Variants in ACTN2 observed in about 807,000 individuals in gnomAD.
ACTN2 encodes the protein alpha-actinin-2.
ACTN2 carries 39 observed loss-of-function variants against 113.8 expected under a neutral mutation model. That is an observed-to-expected ratio of 0.34 (90% CI 0.27 to 0.45). The LOEUF is 0.45. ACTN2 is among the 20% of genes least tolerant of loss of function. The pLI is 1.00. For missense variants in ACTN2, 992 were observed against 1,177.9 expected, an observed-to-expected ratio of 0.84 and a Z score of 2.31; for synonymous variants, 429 against 444.1, an observed-to-expected ratio of 0.97 and a Z score of 0.43.
intron 10 of ACTN2, among the ~76,000 whole-genome samples, chr1:236,739,874 C>T (rs1659015518): frequency 6.6e-6 from 1 of 152,088 alleles, no homozygotes; most frequent in African/African-American, 2.4e-5. Context: ...TACAAGCTAC[C>T]CATCTCACCT....
At chr1:236,727,937 A>C (rs904533184) in intron 6 of ACTN2, among the ~76,000 whole-genome samples, 181 bp downstream of exon 6, 2 of 152,182 alleles carry the variant, frequency 1.3e-5, no homozygotes, top group Non-Finnish European at 2.9e-5. Flanking sequence ...AGTGGCCAGG[A>C]AAACACTTAC....
At chr1:236,689,355 A>T (rs1192579905) in intron 1 of ACTN2, among the ~76,000 whole-genome samples, 1 of 143,302 alleles carries the variant, frequency 7.0e-6, no homozygotes, top group Non-Finnish European at 1.5e-5. Flanking sequence ...ACATATGTAT[A>T]TTTTATATAT....
chr1:236,720,404 A>T (rs1224407980), intron 4 of ACTN2, among the ~76,000 whole-genome samples: 1 of 152,190 alleles, frequency 6.6e-6, no homozygotes, highest in East Asian at 1.9e-4. Flanking sequence ...AAAGATGAGC[A>T]CATGTTCAGA....
At chr1:236,730,597 T>C (rs923865955) in intron 6 of ACTN2, among the ~76,000 whole-genome samples, 1 of 152,220 alleles carries the variant, frequency 6.6e-6, no homozygotes, top group African/African-American at 2.4e-5. Context: ...TTTAGTTATA[T>C]ACCTCTGGTT....
At chr1:236,716,988 C>G (rs1414202041) in intron 1 of ACTN2, among the ~76,000 whole-genome samples, 1 of 151,898 alleles carries the variant, frequency 6.6e-6, no homozygotes, top group Non-Finnish European at 1.5e-5. Context: ...GCACACGTTA[C>G]CACACCCAGC....
At chr1:236,712,464 T>A (rs1422272059) in intron 1 of ACTN2, among the ~76,000 whole-genome samples, 1 of 152,182 alleles carries the variant, frequency 6.6e-6, no homozygotes. Flanking sequence ...CTAAATAAAT[T>A]GACCTTCTCT....
Position 236,763,091 on chromosome 1 carries a change from C to A in ACTN2, c.*472C>A. The A allele has an allele frequency of 5.6e-6, 1 of 179,328 alleles. No individual in the cohort carries two copies. Among genetic ancestry groups the A allele is most frequent in the Admixed American group, 5.5e-5 (1 of 18,216 alleles). The allele number at this position is 179,328 out of a possible 1,614,324, so 11.1% of individuals were successfully genotyped here. A position where few individuals can be genotyped will look rare whatever the true frequency, so the allele number is the denominator to read the frequency against. On this transcript the variant is annotated 3_prime_UTR_variant, in exon 21 of 21. Coordinates refer to ENST00000366578, the MANE Select transcript of ACTN2 (RefSeq NM_001103.4). ...CCCCTAGGGGAGTATATTTGGGATT[C>A]TAATGTTTTATTTTCATGCTTATCC... is the stretch of plus-strand genomic sequence containing the variant.
At chr1:236,715,944 C>A (rs1348056195) in intron 1 of ACTN2, among the ~76,000 whole-genome samples, 1 of 151,706 alleles carries the variant, frequency 6.6e-6, no homozygotes, top group South Asian at 2.1e-4. Flanking sequence ...AGCAAGACTC[C>A]GTCTCAAAAA....
chr1:236,694,220 CTTT>C (rs540449597), intron 1 of ACTN2, among the ~76,000 whole-genome samples: 1 of 134,394 alleles, frequency 7.4e-6, no homozygotes. Context: ...TTTTTCTTTT[CTTT>C]TTTTTTTTTT....
chr1:236,733,001 A>G (rs1019776176), intron 7 of ACTN2, among the ~76,000 whole-genome samples: 1 of 152,224 alleles, frequency 6.6e-6, no homozygotes, highest in Non-Finnish European at 1.5e-5. Context: ...ATTATTGGCT[A>G]TTAATACTTG....
At chr1:236,739,169 G>C (rs564604476) in intron 9 of ACTN2, 133 bp from the exon 10 acceptor site, 8 of 936,106 alleles carry the variant, frequency 8.5e-6, no homozygotes, top group Non-Finnish European at 1.4e-5. Flanking sequence ...GCCTCTGTGC[G>C]TAGAGGTACC....
intron 6 of ACTN2, among the ~76,000 whole-genome samples, chr1:236,730,137 C>A (rs1051732085): frequency 3.3e-5 from 5 of 152,216 alleles, no homozygotes; most frequent in Non-Finnish European, 5.9e-5. Flanking sequence ...CTACCAGAGG[C>A]CACATGGCCG....
chr1:236,764,421 A>G lies in ACTN2; in HGVS notation c.*1802A>G, dbSNP rs1659789001. On this transcript the variant is annotated 3_prime_UTR_variant, in exon 21 of 21. Transcript: ENST00000366578. ...TAGGATGGGTGTGGGTAACTCATCTACCTAAACTTTTAATTTCTTTACAAC... is the reference window on the plus strand; with the variant it reads ...TAGGATGGGTGTGGGTAACTCATCTGCCTAAACTTTTAATTTCTTTACAAC... 6.6e-6 allele frequency: 1 copy of G among 152,158 alleles called. No individual in the cohort carries two copies. The allele number at this position is 152,158 out of a possible 1,614,324, so 9.4% of individuals were successfully genotyped here.
At chr1:236,746,465 TG>T (rs1572139164) in intron 12 of ACTN2, among the ~76,000 whole-genome samples, 2 of 152,116 alleles carry the variant, frequency 1.3e-5, no homozygotes, top group African/African-American at 4.8e-5. Context: ...CCTTGTACTT[TG>T]GGAGGCTGAG....
At chr1:236,710,705 C>T (rs1197724561) in intron 1 of ACTN2, among the ~76,000 whole-genome samples, 1 of 152,194 alleles carries the variant, frequency 6.6e-6, no homozygotes, top group Non-Finnish European at 1.5e-5. Context: ...GCAGAAGCTG[C>T]TCCCCATTGC....
intron 11 of ACTN2, 61 bp downstream of exon 11, chr1:236,743,104 C>A: frequency 6.3e-7 from 1 of 1,580,252 alleles, no homozygotes; most frequent in Non-Finnish European, 8.7e-7. Context: ...TGCCCAGAGC[C>A]ATGATGCATC....
rs936710693 is a variant in ACTN2, at chr1:236,754,887, C to T, written c.1975-132C>T. 1.4e-5 allele frequency: 14 copies of T among 1,018,532 alleles called. No individual in the cohort carries two copies. The East Asian group carries it at 1.9e-4, about 14-fold the overall frequency. 63.1% of individuals were successfully genotyped at this position (1,018,532 alleles called of 1,614,324 possible). A position where few individuals can be genotyped will look rare whatever the true frequency, so the allele number is the denominator to read the frequency against. On this transcript the variant is annotated intron_variant, in intron 16 of 20. Coordinates refer to ENST00000366578, the MANE Select transcript of ACTN2 (RefSeq NM_001103.4). The surrounding 1 kb of genome is among the most constrained non-coding windows in gnomAD (Gnocchi z 4.9). ...CCCACTTCCTCTGAGAAAAGTGAAC[C>T]GAGTGACACTGGCCGCTGCCTGACG...
At chr1:236,759,847 G>A (rs2102950091) in intron 19 of ACTN2, 58 bp downstream of exon 19, 1 of 1,533,030 alleles carries the variant, frequency 6.5e-7, no homozygotes, top group Middle Eastern at 1.7e-4. Flanking sequence ...TTGGATTTCT[G>A]TTATAAAAGA....
chr1:236,709,220 G>GTGTGTGTATATATA (rs1275373436), intron 1 of ACTN2, among the ~76,000 whole-genome samples: 28 of 66,822 alleles, frequency 4.2e-4, no homozygotes, highest in African/African-American at 1.6e-3. Flanking sequence ...ACAAATGACT[G>GTGTGTGTATATATA]TATATATATA....
Sources: allele counts gnomAD v4.1 joint callset (sites outside exome capture counted in the v4.1 genomes callset), GRCh38; gene constraint gnomAD v4.1.1; non-coding constraint Gnocchi (gnomAD v3.1); transcripts MANE v1.5; gene names NCBI Gene and HGNC (gene_info 2026-07-23, HGNC 2026-07-21).